Variants in COL19A1 observed in about 807,000 individuals in gnomAD.
COL19A1 encodes the protein collagen type XIX alpha 1 chain.
In COL19A1, 159 loss-of-function variants were observed where a neutral mutation model predicts 190.2. The ratio of observed to expected loss-of-function variants is 0.84; its 90% CI spans 0.73 to 0.95. The LOEUF is 0.95. Among genes scored for constraint, COL19A1 ranks in the 40% least tolerant of loss-of-function variants. COL19A1 has a pLI of 0.00. For missense variants in COL19A1, 1,418 were observed against 1,431.9 expected, an observed-to-expected ratio of 0.99 and a Z score of 0.16; for synonymous variants, 509 against 458.9, an observed-to-expected ratio of 1.11 and a Z score of -1.39.
At chr6:70,044,417 A>G (rs940245351) in intron 14 of COL19A1, among the ~76,000 whole-genome samples, 1 of 151,948 alleles carries the variant, frequency 6.6e-6, no homozygotes, top group South Asian at 2.1e-4. Context: ...TGCATTCACA[A>G]CTCGGCTGTT....
chr6:70,162,320 A>AC (rs2150260362), intron 35 of COL19A1, among the ~76,000 whole-genome samples: 1 of 151,888 alleles, frequency 6.6e-6, no homozygotes, highest in East Asian at 1.9e-4. Flanking sequence ...TTCTAAAGGA[A>AC]AAAAAAGTGT....
At chr6:70,170,146 A>G (rs1338294914) in intron 40 of COL19A1, among the ~76,000 whole-genome samples, 1 of 152,158 alleles carries the variant, frequency 6.6e-6, no homozygotes, top group African/African-American at 2.4e-5. Context: ...GAAAAATGCA[A>G]TCATGAAATG....
At chr6:70,066,344 C>T (rs1011205303) in intron 14 of COL19A1, among the ~76,000 whole-genome samples, 19 of 151,280 alleles carry the variant, frequency 1.3e-4, no homozygotes, top group Non-Finnish European at 8.8e-5. Flanking sequence ...CAAACTATCA[C>T]AAGGACAAAA....
intron 15 of COL19A1, 59 bp downstream of exon 15, chr6:70,068,535 A>G: frequency 8.9e-7 from 1 of 1,119,770 alleles, no homozygotes; most frequent in Non-Finnish European, 1.3e-6. Flanking sequence ...TTATTTGGGA[A>G]CACTAATGAA....
chr6:70,123,920 C>T (rs948537848), intron 17 of COL19A1, among the ~76,000 whole-genome samples: 1 of 150,470 alleles, frequency 6.6e-6, no homozygotes, highest in Non-Finnish European at 1.5e-5. Flanking sequence ...ATGTAACTAA[C>T]CTGCAATTGT....
chr6:69,985,617 TAA>T lies in COL19A1; in HGVS notation c.1026+22748_1026+22749del, dbSNP rs139502279. 5.5e-3 allele frequency among the ~76,000 whole-genome samples: 834 copies of T among 152,308 alleles called. 18 individuals carry two copies. In the East Asian group the frequency reaches 0.069, roughly 13 times the overall value. Reference sequence around the variant, plus strand: ...TGCAAACAGCCAGGACCCTGGAACCTAAGTTTCCTTCACCATTACTGAACGTT... The same window carrying T: ...TGCAAACAGCCAGGACCCTGGAACCTGTTTCCTTCACCATTACTGAACGTT... On this transcript the variant is annotated intron_variant, in intron 11 of 50. Transcript: ENST00000620364.
rs1208878749 is a variant in COL19A1 at position 70,188,193 on chromosome 6, G to A, written c.2975G>A (p.Gly992Glu). Residue 992 changes from glycine to glutamate, a missense_variant, in exon 47 of 51, where the codon GGA becomes GAA. Coordinates refer to ENST00000620364, the MANE Select transcript of COL19A1 (RefSeq NM_001858.6). ...CCACCAGGAAACAAGGGCTCCATGGGATCCCCTGGCCACCAAGGCCCTCCA... is the reference window on the plus strand; with the variant it reads ...CCACCAGGAAACAAGGGCTCCATGGAATCCCCTGGCCACCAAGGCCCTCCA... ...MGPPGNKGSMGSPGHQGPPGS... is the reference protein window; with the variant it reads ...MGPPGNKGSMESPGHQGPPGS... The A allele has an allele frequency of 6.2e-7, 1 of 1,613,222 alleles. No individual in the cohort carries two copies. Among genetic ancestry groups the A allele is most frequent in the Non-Finnish European group, 8.5e-7 (1 of 1,179,656 alleles).
rs764953617 is a variant in COL19A1, at chr6:69,938,143, T to C, written c.936+43T>C. ...ACTGATGGAGAAAACAGGGTTTTGT[T>C]AAAAAATGACTTAAAAATGTGTTCA... On this transcript the variant is annotated intron_variant, in intron 9 of 50. Transcript: ENST00000620364. 11 of 1,572,334 alleles carry C rather than the reference T, an allele frequency of 7.0e-6. No homozygotes were observed. The African/African-American group carries it at 1.4e-4, about 19-fold the overall frequency.
intron 4 of COL19A1, among the ~76,000 whole-genome samples, chr6:69,921,604 A>G (rs1049040267): frequency 8.9e-5 from 13 of 145,790 alleles, no homozygotes; most frequent in Non-Finnish European, 1.9e-4. Flanking sequence ...TCGTATATGT[A>G]TATAGATTCG....
chr6:69,934,478 G>A (rs1333894106), intron 7 of COL19A1, among the ~76,000 whole-genome samples: 1 of 151,818 alleles, frequency 6.6e-6, no homozygotes, highest in African/African-American at 2.4e-5. Context: ...TAATTAGCCA[G>A]TAATCACTGC....
At chr6:70,131,628 T>G (rs988859004) in intron 18 of COL19A1, among the ~76,000 whole-genome samples, 15 of 152,172 alleles carry the variant, frequency 9.9e-5, no homozygotes, top group South Asian at 6.2e-4. Flanking sequence ...AACCAACGCA[T>G]TACATTTTAA....
At chr6:70,062,329 T>C (rs547652633) in intron 14 of COL19A1, among the ~76,000 whole-genome samples, 4 of 152,186 alleles carry the variant, frequency 2.6e-5, no homozygotes, top group Admixed American at 2.6e-4. Flanking sequence ...TTAAAATACG[T>C]ATATTACTTT....
intron 11 of COL19A1, among the ~76,000 whole-genome samples, chr6:69,983,665 T>C (rs575500626): frequency 1.2e-3 from 177 of 152,270 alleles, no homozygotes; most frequent in Middle Eastern, 3.4e-3. Context: ...CTTTGAATAC[T>C]ATTCAAATAT....
chr6:70,135,989 A>C (rs1785844751), intron 18 of COL19A1, among the ~76,000 whole-genome samples: 3 of 152,158 alleles, frequency 2.0e-5, no homozygotes. Flanking sequence ...CATGACTTGC[A>C]GTTTTGGGCT....
intron 48 of COL19A1, among the ~76,000 whole-genome samples, chr6:70,194,356 C>A (rs1225074081): frequency 1.3e-5 from 2 of 152,152 alleles, no homozygotes; most frequent in Non-Finnish European, 2.9e-5. Context: ...CCCTACAAAT[C>A]TCAAACCTTG....
Position 70,145,000 on chromosome 6 carries a change from G to A in COL19A1, c.1763G>A (p.Gly588Glu), listed in dbSNP as rs779880305. Reference protein sequence around the residue: ...EAGPPGKSLPGEPGLDGNPGA... With the variant: ...EAGPPGKSLPEEPGLDGNPGA... ...GGTCCTCCAGGGAAAAGCCTGCCAG[G>A]GGAACCAGTAAGTATTAGCCCTTTT... Residue 588 changes from glycine to glutamate, a missense_variant, in exon 25 of 51, where the codon GGG becomes GAG. Physicochemically the swap from Gly to Glu is moderately conservative, Grantham distance 98 (BLOSUM62 -2). Coordinates refer to ENST00000620364, the MANE Select transcript of COL19A1 (RefSeq NM_001858.6). 5.0e-6 allele frequency: 8 copies of A among 1,584,594 alleles called. No homozygotes were observed. In the Admixed American group the frequency reaches 7.0e-5, roughly 14 times the overall value.
chr6:70,179,026 C>A (rs1460658895), intron 42 of COL19A1, among the ~76,000 whole-genome samples: 1 of 152,084 alleles, frequency 6.6e-6, no homozygotes, highest in Admixed American at 6.6e-5. Context: ...CCCGAGCCCT[C>A]TATACCCGCC....
At chr6:69,876,228 C>A (rs1030384338) in intron 1 of COL19A1, among the ~76,000 whole-genome samples, 1 of 152,170 alleles carries the variant, frequency 6.6e-6, no homozygotes, top group Admixed American at 6.5e-5. Flanking sequence ...TCTTATTCTG[C>A]AAATACTTTG....
At chr6:70,066,674 A>G (rs1781234728) in intron 14 of COL19A1, among the ~76,000 whole-genome samples, 1 of 151,988 alleles carries the variant, frequency 6.6e-6, no homozygotes, top group African/African-American at 2.4e-5. Flanking sequence ...ATAAGTAACT[A>G]TGGATCATGA....
Sources: allele counts gnomAD v4.1 joint callset (sites outside exome capture counted in the v4.1 genomes callset), GRCh38; gene constraint gnomAD v4.1.1; transcripts MANE v1.5; gene names NCBI Gene and HGNC (gene_info 2026-07-23, HGNC 2026-07-21).